The following MPDZ variants were observed in gnomAD, a reference collection of about 807,000 sequenced individuals.
MPDZ encodes the protein multiple PDZ domain crumbs cell polarity complex component, also known as multiple PDZ domain protein.
In MPDZ, 234 loss-of-function variants were observed where a neutral mutation model predicts 239.1. The observed-to-expected ratio is 0.98, with a 90% CI of 0.88 to 1.09. MPDZ has a LOEUF of 1.09. Among genes scored for constraint, MPDZ ranks in the 50% least tolerant of loss-of-function variants. MPDZ has a pLI of 0.00. For synonymous variants in MPDZ, 1,048 were observed against 881.3 expected (o/e 1.19, Z -3.35); for missense variants, 3,175 against 2,510.0 (o/e 1.26, Z -5.66).
intron 19 of MPDZ, among the ~76,000 whole-genome samples, chr9:13,180,027 T>C (rs907476796): frequency 6.6e-6 from 1 of 152,086 alleles, no homozygotes; most frequent in East Asian, 1.9e-4. Context: ...ACACTGATCC[T>C]ACTAAGGAAA....
intron 1 of MPDZ, among the ~76,000 whole-genome samples, chr9:13,264,929 CT>C (rs1472226111): frequency 2.6e-5 from 4 of 152,188 alleles, no homozygotes; most frequent in Admixed American, 2.0e-4. Context: ...CAGATTGCCC[CT>C]ATTTGTACCA....
chr9:13,261,917 T>C (rs374990464), intron 1 of MPDZ, among the ~76,000 whole-genome samples: 147 of 150,522 alleles, frequency 9.8e-4, no homozygotes, highest in African/African-American at 3.4e-3. Context: ...TAGAGGCACA[T>C]GCATGTAGTC....
At chr9:13,160,162 T>C (rs552989190) in intron 23 of MPDZ, among the ~76,000 whole-genome samples, 2 of 152,170 alleles carry the variant, frequency 1.3e-5, no homozygotes, top group African/African-American at 2.4e-5. Context: ...CATATTTTTA[T>C]ATGGCACATG....
intron 12 of MPDZ, among the ~76,000 whole-genome samples, chr9:13,204,332 A>T (rs1376151723): frequency 6.6e-6 from 1 of 152,178 alleles, no homozygotes; most frequent in Admixed American, 6.5e-5. Context: ...TCGCATCTGT[A>T]ATCCCAGCAC....
At chr9:13,211,373 A>G (rs1957599244) in intron 10 of MPDZ, among the ~76,000 whole-genome samples, 3 of 152,104 alleles carry the variant, frequency 2.0e-5, no homozygotes, top group African/African-American at 7.2e-5. Context: ...ATCACCAACT[A>G]AATAGTCAAA....
At chr9:13,118,939 G>C (rs1943915968) in intron 39 of MPDZ, among the ~76,000 whole-genome samples, 2 of 152,158 alleles carry the variant, frequency 1.3e-5, no homozygotes, top group African/African-American at 4.8e-5. Flanking sequence ...GTACTGCTGA[G>C]TGAATCTGCA....
At position 13,206,099 on chromosome 9, in the gene MPDZ, C is replaced by T. The variant is rs1956956636; in HGVS notation, c.1291G>A (p.Val431Ile). Residue 431 changes from valine (V) to isoleucine (I), a missense_variant and splice_region_variant, in exon 11 of 47, where the codon GTA (valine) becomes ATA (isoleucine). Transcript: ENST00000319217. ...RIQIGDQIIA[V>I]DGTNLQGFTN... Reference sequence around the variant, plus strand: ...AAACCCTGAAGGTTTGTGCCATCTACCTGTGATTAAAAAAAAAAAAAAGCA... The same window carrying T: ...AAACCCTGAAGGTTTGTGCCATCTATCTGTGATTAAAAAAAAAAAAAAGCA... 3.8e-6 allele frequency: 6 copies of T among 1,562,504 alleles called. No homozygotes were observed. The highest frequency in any genetic ancestry group is 3.4e-4 in the Middle Eastern group (2 of 5,866).
chr9:13,117,148 T>C (rs1282106093), intron 39 of MPDZ, among the ~76,000 whole-genome samples: 1 of 152,194 alleles, frequency 6.6e-6, no homozygotes, highest in African/African-American at 2.4e-5. Flanking sequence ...ATAAAAGTTA[T>C]ATGAATGTGA....
chr9:13,177,969 C>T (rs1952728782), intron 19 of MPDZ, among the ~76,000 whole-genome samples: 1 of 152,152 alleles, frequency 6.6e-6, no homozygotes, highest in Non-Finnish European at 1.5e-5. Flanking sequence ...ATGATATGCA[C>T]ACTTAAAATG....
At chr9:13,121,100 G>T (rs934662423) in intron 38 of MPDZ, among the ~76,000 whole-genome samples, 1 of 152,148 alleles carries the variant, frequency 6.6e-6, no homozygotes, top group East Asian at 1.9e-4. Flanking sequence ...AAATGAATTA[G>T]GTTGTGAATT....
intron 21 of MPDZ, among the ~76,000 whole-genome samples, chr9:13,173,597 G>C (rs1169893970): frequency 6.6e-6 from 1 of 151,916 alleles, no homozygotes; most frequent in East Asian, 1.9e-4. Flanking sequence ...CAGCTACTCA[G>C]GAGGCTGAGA....
chr9:13,262,568 A>G (rs1357119758), intron 1 of MPDZ, among the ~76,000 whole-genome samples: 1 of 152,148 alleles, frequency 6.6e-6, no homozygotes, highest in Non-Finnish European at 1.5e-5. Flanking sequence ...TTAATGTACC[A>G]CTAAAAAAAC....
chr9:13,116,467 G>A (rs1194744520), intron 39 of MPDZ, among the ~76,000 whole-genome samples: 2 of 152,162 alleles, frequency 1.3e-5, no homozygotes, highest in Admixed American at 6.5e-5. Context: ...AGAGTACAAA[G>A]GGATGTGTTA....
chr9:13,187,714 C>T (rs551653413), intron 17 of MPDZ, among the ~76,000 whole-genome samples: 1 of 151,740 alleles, frequency 6.6e-6, no homozygotes, highest in East Asian at 1.9e-4. Flanking sequence ...ATCAACAAAC[C>T]CATATTGCTA....
chr9:13,237,107 C>A (rs915821181), intron 3 of MPDZ, among the ~76,000 whole-genome samples: 1 of 152,004 alleles, frequency 6.6e-6, no homozygotes, highest in Non-Finnish European at 1.5e-5. Context: ...TTTATTAAAT[C>A]TTGACCCTCA....
chr9:13,109,329 C>G (rs1292150111), intron 45 of MPDZ, among the ~76,000 whole-genome samples: 2 of 151,986 alleles, frequency 1.3e-5, no homozygotes, highest in African/African-American at 4.8e-5. Flanking sequence ...ATGGCATGTT[C>G]TCATTGTACA....
intron 19 of MPDZ, among the ~76,000 whole-genome samples, chr9:13,182,114 A>T (rs1953418955): frequency 6.6e-6 from 1 of 152,172 alleles, no homozygotes. Flanking sequence ...TCAGGAAAGG[A>T]GGAAAACAGT....
At chr9:13,162,985 T>A (rs1484770198) in intron 22 of MPDZ, among the ~76,000 whole-genome samples, 190 bp from the exon 23 acceptor site, 1 of 152,048 alleles carries the variant, frequency 6.6e-6, no homozygotes, top group African/African-American at 2.4e-5. Context: ...TAGGGAAGAG[T>A]AACAACAGAA....
At chr9:13,251,986 T>C (rs1302238981) in intron 1 of MPDZ, among the ~76,000 whole-genome samples, 2 of 152,252 alleles carry the variant, frequency 1.3e-5, no homozygotes, top group Non-Finnish European at 2.9e-5. Context: ...CACTTACTCA[T>C]TGGGTATATT....
Sources: gnomAD v4.1 joint callset for allele counts (sites outside exome capture counted in the v4.1 genomes callset) on GRCh38, gnomAD v4.1.1 for gene constraint, MANE v1.5 for transcripts, NCBI Gene and HGNC (gene_info 2026-07-23, HGNC 2026-07-21) for gene names.